NAALADL2: variants seen among roughly 807,000 people sequenced by gnomAD.
NAALADL2 encodes the protein N-acetylated alpha-linked acidic dipeptidase like 2.
A neutral mutation model predicts 87.2 loss-of-function variants in NAALADL2; 76 were observed. The ratio of observed to expected loss-of-function variants is 0.87; its 90% CI spans 0.72 to 1.05. The LOEUF (loss-of-function observed/expected upper bound fraction) is 1.05. Ranked by LOEUF, NAALADL2 falls within the 50% of genes least tolerant of loss-of-function variation. The pLI is 0.00. For missense variants in NAALADL2, 1,089 were observed against 945.8 expected, an observed-to-expected ratio of 1.15 and a Z score of -1.99; for synonymous variants, 354 against 331.0, an observed-to-expected ratio of 1.07 and a Z score of -0.75.
chr3:175,168,573 GTA>G (rs1190935296), intron 2 of NAALADL2, among the ~76,000 whole-genome samples: 2 of 151,884 alleles, frequency 1.3e-5, no homozygotes, highest in East Asian at 3.9e-4. Flanking sequence ...TGAAAATACT[GTA>G]TAAAATTAGA....
chr3:175,197,265 G>A (rs35963817), intron 2 of NAALADL2, among the ~76,000 whole-genome samples: 56,634 of 151,820 alleles, frequency 0.37, 11,757 homozygotes, highest in East Asian at 0.52. Flanking sequence ...ATAAGCCCGC[G>A]TAGAGTCCGT....
chr3:175,184,860 A>C (rs184134761), intron 2 of NAALADL2, among the ~76,000 whole-genome samples: 2 of 152,242 alleles, frequency 1.3e-5, no homozygotes, highest in African/African-American at 2.4e-5. Context: ...AACTTATTCC[A>C]AAAACTAAAT....
At chr3:175,770,821 A>G (rs1169742769) in intron 13 of NAALADL2, among the ~76,000 whole-genome samples, 3 of 152,204 alleles carry the variant, frequency 2.0e-5, no homozygotes, top group African/African-American at 7.2e-5. Context: ...TTTTAGAGGG[A>G]AGAATGTAAT....
chr3:174,571,626 G>T (rs1273553027), intron 2 of NAALADL2, among the ~76,000 whole-genome samples: 1 of 152,056 alleles, frequency 6.6e-6, no homozygotes, highest in African/African-American at 2.4e-5. Flanking sequence ...TGATCTGCCT[G>T]CCTCGGCCTC....
At chr3:174,660,976 G>A (rs939473959) in intron 2 of NAALADL2, among the ~76,000 whole-genome samples, 4 of 152,096 alleles carry the variant, frequency 2.6e-5, no homozygotes, top group Non-Finnish European at 5.9e-5. Flanking sequence ...AAACACTTAT[G>A]TACAAGGTAA....
intron 9 of NAALADL2, among the ~76,000 whole-genome samples, chr3:175,492,714 T>C (rs764849663): frequency 2.0e-5 from 3 of 152,152 alleles, no homozygotes; most frequent in Non-Finnish European, 4.4e-5. Flanking sequence ...ATTATATGTG[T>C]TCATCTATAC....
At chr3:175,612,844 A>C (rs1724827767) in intron 10 of NAALADL2, among the ~76,000 whole-genome samples, 1 of 152,116 alleles carries the variant, frequency 6.6e-6, no homozygotes, top group South Asian at 2.1e-4. Context: ...CCTACCTTGC[A>C]ATTTATTTGT....
chr3:175,349,065 T>C (rs1269098685), intron 5 of NAALADL2, among the ~76,000 whole-genome samples: 1 of 152,116 alleles, frequency 6.6e-6, no homozygotes, highest in Non-Finnish European at 1.5e-5. Context: ...TAATTAGTCT[T>C]TTGTGGGGGA....
intron 9 of NAALADL2, among the ~76,000 whole-genome samples, chr3:175,477,319 C>T (rs553149270): frequency 7.2e-5 from 11 of 152,270 alleles, no homozygotes; most frequent in African/African-American, 2.4e-4. Flanking sequence ...TCGAACCTGA[C>T]TCTGTATTGA....
intron 2 of NAALADL2, among the ~76,000 whole-genome samples, chr3:175,161,323 GA>G (rs35258764): frequency 2.5e-4 from 36 of 144,862 alleles, no homozygotes; most frequent in South Asian, 6.6e-4. Flanking sequence ...CTGCAAAACA[GA>G]AAAAAAAAAG....
At chr3:175,502,912 G>A (rs1043551408) in intron 9 of NAALADL2, among the ~76,000 whole-genome samples, 2 of 141,878 alleles carry the variant, frequency 1.4e-5, no homozygotes, top group Non-Finnish European at 3.0e-5. Context: ...GCTTTTTAAT[G>A]AGATTTTTTT....
chr3:174,451,338 C>A (rs1715465761), intron 1 of NAALADL2, among the ~76,000 whole-genome samples: 1 of 152,134 alleles, frequency 6.6e-6, no homozygotes, highest in Admixed American at 6.6e-5. Context: ...TGATTTATAT[C>A]TTTTAAGAAG....
intron 11 of NAALADL2, among the ~76,000 whole-genome samples, chr3:175,727,861 C>G (rs1457134524): frequency 1.3e-5 from 2 of 152,094 alleles, no homozygotes; most frequent in African/African-American, 2.4e-5. Flanking sequence ...AGAAGAGGAG[C>G]ATTATTCAGG....
chr3:175,366,173 A>G (rs1318968812), intron 5 of NAALADL2, among the ~76,000 whole-genome samples: 1 of 144,868 alleles, frequency 6.9e-6, no homozygotes, highest in African/African-American at 2.5e-5. Context: ...CCATGTCCCT[A>G]CAAAGCATAT....
At chr3:175,498,071 C>T (rs1442831284) in intron 9 of NAALADL2, among the ~76,000 whole-genome samples, 1 of 151,656 alleles carries the variant, frequency 6.6e-6, no homozygotes, top group Non-Finnish European at 1.5e-5. Context: ...TATCAGAGTC[C>T]CTTACCAGCT....
At chr3:175,697,846 CATAT>C (rs1413540733) in intron 11 of NAALADL2, among the ~76,000 whole-genome samples, 1 of 93,092 alleles carries the variant, frequency 1.1e-5, no homozygotes, top group Non-Finnish European at 2.1e-5. Context: ...TTTATGTATA[CATAT>C]ATATGTGTAT....
chr3:174,652,360 A>G (rs1051439319), intron 2 of NAALADL2, among the ~76,000 whole-genome samples: 2 of 152,188 alleles, frequency 1.3e-5, no homozygotes, highest in Non-Finnish European at 2.9e-5. Flanking sequence ...ACCATAATGT[A>G]TTAGTTTGTT....
chr3:175,137,900 A>G (rs1356814830), intron 2 of NAALADL2, among the ~76,000 whole-genome samples: 1 of 152,146 alleles, frequency 6.6e-6, no homozygotes, highest in African/African-American at 2.4e-5. Flanking sequence ...CTGGGATTAC[A>G]GGCTTGAGCC....
chr3:175,144,307 C>T (rs2108745567), intron 2 of NAALADL2, among the ~76,000 whole-genome samples: 1 of 151,982 alleles, frequency 6.6e-6, no homozygotes, highest in South Asian at 2.1e-4. Flanking sequence ...CGGTTAATTA[C>T]TTCATTCTCA....
Sources: allele counts gnomAD v4.1 joint callset (sites outside exome capture counted in the v4.1 genomes callset), GRCh38; gene constraint gnomAD v4.1.1; transcripts MANE v1.5; gene names NCBI Gene and HGNC (gene_info 2026-07-23, HGNC 2026-07-21).